BRAF: variants seen among roughly 807,000 people sequenced by gnomAD.
BRAF encodes B-Raf proto-oncogene, serine/threonine kinase, also known as serine/threonine-protein kinase B-raf.
A neutral mutation model predicts 104.6 loss-of-function variants in BRAF; 16 were observed. The ratio of observed to expected loss-of-function variants is 0.15; its 90% CI spans 0.10 to 0.23. The LOEUF is 0.23. BRAF is among the 10% of genes least tolerant of loss of function. The pLI, the probability that BRAF is intolerant of heterozygous loss-of-function variation, is 1.00. For missense variants in BRAF, 541 were observed against 937.3 expected (o/e 0.58, Z 5.52); for synonymous variants, 310 against 341.6 (o/e 0.91, Z 1.02).
rs1047088702 is a variant in BRAF at position 140,763,023 on chromosome 7, G to A, written c.1815-8790C>T. On this transcript the variant is annotated intron_variant, in intron 14 of 19. Transcript: ENST00000644969. ...TGTCTACCTCTTTCTACACAGACAC[G>A]GCAACCATCCGATTTCTCAATCTTT... Among the ~76,000 whole-genome samples, 23 of 152,266 alleles carry A rather than the reference G, an allele frequency of 1.5e-4. No homozygotes were observed. In the East Asian group the frequency reaches 3.7e-3, roughly 24 times the overall value.
In BRAF at chr7:140,834,693, A is replaced by C. The variant is rs1416091381; in HGVS notation, c.420T>G (p.Asn140Lys). The C allele has an allele frequency of 6.2e-7, 1 of 1,614,142 alleles. No homozygotes were observed. Among genetic ancestry groups the C allele is most frequent in the African/African-American group, 1.3e-5 (1 of 75,034 alleles). Residue 140 changes from asparagine to lysine, a missense_variant, in exon 3 of 20, where the codon AAT becomes AAG. By Grantham distance (94) the Asn-to-Lys change is moderately conservative. Coordinates refer to ENST00000644969, the MANE Select transcript of BRAF (RefSeq NM_001374258.1). ...GGTTGCTCCGTGCCACATCTGTGGG[A>C]TTTTGAAAAACTGAAAGAGATGAAG... ...VLPSSLSVFQ[N>K]PTDVARSNPK...
At chr7:140,848,164 T>C (rs559434541) in intron 2 of BRAF, among the ~76,000 whole-genome samples, 11 of 152,224 alleles carry the variant, frequency 7.2e-5, no homozygotes, top group African/African-American at 2.4e-4. Flanking sequence ...AATAGAAATA[T>C]TTAGCCCAAA....
chr7:140,785,940 C>T, intron 9 of BRAF: 1 of 394,282 alleles, frequency 2.5e-6, no homozygotes, highest in Non-Finnish European at 4.5e-6. Context: ...CAAAAATCTG[C>T]TTATTTTCAT....
intron 5 of BRAF, among the ~76,000 whole-genome samples, chr7:140,806,053 C>G (rs1267649): frequency 0.098 from 14,850 of 152,164 alleles, 789 homozygotes; most frequent in South Asian, 0.19. Context: ...ATTCTACCCA[C>G]AACTCTTATT....
At position 140,741,386 on chromosome 7, in the gene BRAF, C is replaced by T. The variant is rs550283709; in HGVS notation, c.2113-1440G>A. 4 of 152,142 alleles carry T rather than the reference C, an allele frequency of 2.6e-5. No homozygotes were observed. In the East Asian group the frequency reaches 7.7e-4, roughly 29 times the overall value. The allele number at this position is 152,142 out of a possible 1,614,324, so 9.4% of individuals were successfully genotyped here. On this transcript the variant is annotated intron_variant, in intron 17 of 19. Coordinates refer to ENST00000644969, the MANE Select transcript of BRAF (RefSeq NM_001374258.1). ...AAGCTACTTTTAACTTTTTTATTGCCGCTGCTCCTACTCTGCTTATAATGC... is the reference window on the plus strand; with the variant it reads ...AAGCTACTTTTAACTTTTTTATTGCTGCTGCTCCTACTCTGCTTATAATGC...
chr7:140,714,389 A>C (rs1795094019), downstream of BRAF, among the ~76,000 whole-genome samples: 1 of 152,084 alleles, frequency 6.6e-6, no homozygotes, highest in African/African-American at 2.4e-5. Flanking sequence ...TTTTGTAGAG[A>C]TAGGGTCTGT....
rs1802702945 is a variant in BRAF at position 140,798,275 on chromosome 7, T to TTTTTTTTTTTTA, written c.980+2086_980+2087insTAAAAAAAAAAA. Among the ~76,000 whole-genome samples, 11 of 141,182 alleles carry TTTTTTTTTTTTA rather than the reference T, an allele frequency of 7.8e-5. No homozygotes were observed. The South Asian group carries it at 2.6e-3, about 33-fold the overall frequency. 92.6% of individuals were successfully genotyped at this position (141,182 alleles called of 152,430 possible). On this transcript the variant is annotated intron_variant, in intron 7 of 19. Transcript: ENST00000644969. Reference sequence around the variant, plus strand: ...GCTGTATGGGGACTTTTTTTTTCTTTTTTTTGAGACGGAGTCTTGCTCTGT... The same window carrying TTTTTTTTTTTTA: ...GCTGTATGGGGACTTTTTTTTTCTTTTTTTTTTTTTTATTTTTGAGACGGAGTCTTGCTCTGT...
At chr7:140,760,686 G>A (rs1267067652) in intron 14 of BRAF, among the ~76,000 whole-genome samples, 1 of 151,986 alleles carries the variant, frequency 6.6e-6, no homozygotes, top group African/African-American at 2.4e-5. Context: ...GTGTAGAGAA[G>A]TGCTTAAAGG....
intron 14 of BRAF, among the ~76,000 whole-genome samples, chr7:140,765,568 T>C (rs1285963654): frequency 6.6e-6 from 1 of 151,740 alleles, no homozygotes; most frequent in African/African-American, 2.4e-5. Context: ...AGGGCTAATA[T>C]CCAGAATCTA....
Position 140,722,021 on chromosome 7 carries a change from A to C in BRAF, c.*4473T>G, listed in dbSNP as rs10247224. 2,517 of 1,142,440 alleles carry C rather than the reference A, an allele frequency of 2.2e-3. 54 individuals carry two copies. In the African/African-American group the frequency reaches 0.035, roughly 16 times the overall value. The allele number at this position is 1,142,440 out of a possible 1,614,324, so 70.8% of individuals were successfully genotyped here. ...TCAATTTCCCCTTCTAAGTTAATAC[A>C]TGATTGCTGCCCATCATACAGTACT... On this transcript the variant is annotated 3_prime_UTR_variant, in exon 20 of 20. Transcript: ENST00000644969.
intron 18 of BRAF, among the ~76,000 whole-genome samples, chr7:140,738,276 C>G (rs767805147): frequency 6.6e-6 from 1 of 152,172 alleles, no homozygotes; most frequent in South Asian, 2.1e-4. Context: ...CTTGTTAAAA[C>G]CATCAATTTT....
intron 1 of BRAF, among the ~76,000 whole-genome samples, chr7:140,899,853 T>C (rs1455832275): frequency 1.3e-5 from 2 of 152,206 alleles, no homozygotes; most frequent in African/African-American, 2.4e-5. Flanking sequence ...AAGCTGGAGT[T>C]ATTGCCTTGC....
intron 1 of BRAF, among the ~76,000 whole-genome samples, chr7:140,886,521 A>G (rs1051213131): frequency 3.3e-5 from 5 of 152,216 alleles, no homozygotes; most frequent in Non-Finnish European, 7.3e-5. Context: ...CATACTCAAT[A>G]AACTGAACCA....
At chr7:140,815,041 A>G (rs1804719039) in intron 3 of BRAF, among the ~76,000 whole-genome samples, 1 of 151,900 alleles carries the variant, frequency 6.6e-6, no homozygotes, top group Non-Finnish European at 1.5e-5. Context: ...ATACATGCCA[A>G]TATACAGATT....
At chr7:140,884,330 A>G (rs1383413140) in intron 1 of BRAF, among the ~76,000 whole-genome samples, 1 of 151,820 alleles carries the variant, frequency 6.6e-6, no homozygotes, top group Non-Finnish European at 1.5e-5. Flanking sequence ...ACAGAGACAT[A>G]AGATATCTTT....
chr7:140,796,935 C>G (rs1802552952), intron 7 of BRAF, among the ~76,000 whole-genome samples: 1 of 152,086 alleles, frequency 6.6e-6, no homozygotes, highest in South Asian at 2.1e-4. Context: ...ACCTGGTATC[C>G]TGATTCAATT....
At chr7:140,871,896 G>A (rs1811634519) in intron 1 of BRAF, among the ~76,000 whole-genome samples, 1 of 152,104 alleles carries the variant, frequency 6.6e-6, no homozygotes, top group Non-Finnish European at 1.5e-5. Flanking sequence ...TGGAGGAGCT[G>A]CACTCACTAA....
In BRAF at chr7:140,722,861, C is replaced by G. The variant is rs1263647022; in HGVS notation, c.*3633G>C. 1.2e-4 allele frequency: 124 copies of G among 1,054,420 alleles called. No individual in the cohort carries two copies. Among genetic ancestry groups the G allele is most frequent in the Non-Finnish European group, 1.4e-4 (122 of 872,552 alleles). 65.3% of individuals were successfully genotyped at this position (1,054,420 alleles called of 1,614,324 possible). ...TAAGATTCTGAAACGTACCCCTAAA[C>G]CGGTTCTGGCACCACTTTCAACAAC... On this transcript the variant is annotated 3_prime_UTR_variant, in exon 20 of 20. Coordinates refer to ENST00000644969, the MANE Select transcript of BRAF (RefSeq NM_001374258.1).
chr7:140,872,669 A>G (rs1377946417), intron 1 of BRAF, among the ~76,000 whole-genome samples: 1 of 152,160 alleles, frequency 6.6e-6, no homozygotes, highest in Admixed American at 6.5e-5. Flanking sequence ...AACCTGGGCA[A>G]CATAGCGAGA....
Sources: allele counts gnomAD v4.1 joint callset (sites outside exome capture counted in the v4.1 genomes callset), GRCh38; gene constraint gnomAD v4.1.1; transcripts MANE v1.5; gene names NCBI Gene and HGNC (gene_info 2026-07-23, HGNC 2026-07-21).